TLL1: variants seen among roughly 807,000 people sequenced by gnomAD.
TLL1 encodes the protein tolloid like 1.
In TLL1, 49 loss-of-function variants were observed where a neutral mutation model predicts 128.2. That is an observed-to-expected ratio of 0.38 (90% confidence interval 0.30 to 0.48). The LOEUF is 0.48. Ranked by LOEUF, TLL1 falls within the 20% of genes least tolerant of loss-of-function variation. TLL1 has a pLI of 0.96. For synonymous variants in TLL1, 454 were observed against 418.8 expected, an observed-to-expected ratio of 1.08 and a Z score of -1.03; for missense variants, 1,123 against 1,242.0, an observed-to-expected ratio of 0.90 and a Z score of 1.44.
At chr4:166,075,329 C>G (rs1020808862) in intron 17 of TLL1, among the ~76,000 whole-genome samples, 1 of 152,150 alleles carries the variant, frequency 6.6e-6, no homozygotes, top group Non-Finnish European at 1.5e-5. Context: ...AACTTAACTT[C>G]TGCTAAATGT....
chr4:166,008,620 T>C (rs1319728588), intron 7 of TLL1, among the ~76,000 whole-genome samples: 2 of 151,658 alleles, frequency 1.3e-5, no homozygotes, highest in Admixed American at 6.6e-5. Context: ...CCTAAAATTA[T>C]GTCATTAATG....
intron 1 of TLL1, among the ~76,000 whole-genome samples, chr4:165,914,748 G>C (rs754886221): frequency 6.6e-6 from 1 of 152,160 alleles, no homozygotes; most frequent in Non-Finnish European, 1.5e-5. Flanking sequence ...TGAACTTAGG[G>C]AACTCTTTTA....
chr4:166,021,694 C>G (rs1579634993), intron 8 of TLL1, among the ~76,000 whole-genome samples: 1 of 152,076 alleles, frequency 6.6e-6, no homozygotes, highest in Non-Finnish European at 1.5e-5. Flanking sequence ...GCCTCGCAAA[C>G]TGCTGGGATT....
intron 6 of TLL1, among the ~76,000 whole-genome samples, chr4:166,007,233 A>G (rs1737481491): frequency 1.3e-5 from 2 of 151,748 alleles, no homozygotes; most frequent in Non-Finnish European, 3.0e-5. Context: ...ATACTACAAT[A>G]CAGATACAAA....
chr4:165,967,567 G>T lies in TLL1; in HGVS notation c.170-21814G>T, dbSNP rs1043546860. On this transcript the variant is annotated intron_variant, in intron 1 of 20. Coordinates refer to ENST00000061240, the MANE Select transcript of TLL1 (RefSeq NM_012464.5). ...GGGGTTCCTGACTGCCCACAACAAA[G>T]ATGGAAATATTTGTTAGCCATTTTG... Among the ~76,000 whole-genome samples, 11 of 152,192 alleles carry T rather than the reference G, an allele frequency of 7.2e-5. 1 individual carries two copies. Among genetic ancestry groups the T allele is most frequent in the Middle Eastern group, 3.2e-3 (1 of 316 alleles).
At chr4:166,052,198 AATC>A (rs1443960728) in intron 12 of TLL1, among the ~76,000 whole-genome samples, 1 of 152,168 alleles carries the variant, frequency 6.6e-6, no homozygotes, top group Non-Finnish European at 1.5e-5. Context: ...TTTTAATAAT[AATC>A]TTCTTAAAAT....
At chr4:166,063,019 A>G (rs72697388) in intron 15 of TLL1, among the ~76,000 whole-genome samples, 78,143 of 152,042 alleles carry the variant, frequency 0.51, 23,146 homozygotes, top group African/African-American at 0.84. Flanking sequence ...GATGGATTAC[A>G]TTTATTGATT....
At chr4:166,080,404 C>A (rs1191511327) in intron 18 of TLL1, among the ~76,000 whole-genome samples, 1 of 152,144 alleles carries the variant, frequency 6.6e-6, no homozygotes, top group Non-Finnish European at 1.5e-5. Context: ...CATTTATCTG[C>A]TGAAATCTCC....
chr4:165,966,466 CAATT>C (rs1735380628), intron 1 of TLL1, among the ~76,000 whole-genome samples: 1 of 152,066 alleles, frequency 6.6e-6, no homozygotes, highest in Non-Finnish European at 1.5e-5. Context: ...TGTAACTTTC[CAATT>C]AATTCTAATG....
At chr4:166,020,334 C>G (rs1177543252) in intron 8 of TLL1, among the ~76,000 whole-genome samples, 1 of 137,942 alleles carries the variant, frequency 7.2e-6, no homozygotes. Flanking sequence ...ATTCCATGTA[C>G]TGTGACAACA....
At chr4:166,004,124 T>C (rs544975197) in intron 6 of TLL1, among the ~76,000 whole-genome samples, 1 of 152,226 alleles carries the variant, frequency 6.6e-6, no homozygotes, top group African/African-American at 2.4e-5. Context: ...TTTCAGTAAT[T>C]GAAATATAAT....
At chr4:165,973,388 C>G (rs983147479) in intron 1 of TLL1, among the ~76,000 whole-genome samples, 12 of 151,934 alleles carry the variant, frequency 7.9e-5, no homozygotes, top group Non-Finnish European at 1.3e-4. Context: ...AATAAATAAA[C>G]TATCTTATAC....
chr4:166,080,286 G>A (rs748660799), intron 18 of TLL1, among the ~76,000 whole-genome samples: 1 of 152,064 alleles, frequency 6.6e-6, no homozygotes, highest in Non-Finnish European at 1.5e-5. Context: ...TAGGATTAGG[G>A]CTGCATCCCT....
At chr4:166,037,399 GA>G (rs965719738) in intron 9 of TLL1, among the ~76,000 whole-genome samples, 58 of 152,198 alleles carry the variant, frequency 3.8e-4, no homozygotes, top group African/African-American at 1.1e-3. Flanking sequence ...TGGATATTTT[GA>G]AAATTTTTGT....
chr4:166,057,890 T>C (rs1244880271), intron 14 of TLL1, among the ~76,000 whole-genome samples: 1 of 152,160 alleles, frequency 6.6e-6, no homozygotes, highest in African/African-American at 2.4e-5. Context: ...GTGGGAATTA[T>C]GGGAGCTGTC....
At chr4:166,094,612 G>A (rs987641930) in intron 19 of TLL1, among the ~76,000 whole-genome samples, 1 of 152,114 alleles carries the variant, frequency 6.6e-6, no homozygotes, top group African/African-American at 2.4e-5. Context: ...AATGGTAACT[G>A]AAATAGCACA....
At chr4:165,923,391 T>C (rs1226741032) in intron 1 of TLL1, among the ~76,000 whole-genome samples, 1 of 146,186 alleles carries the variant, frequency 6.8e-6, no homozygotes, top group African/African-American at 2.5e-5. Flanking sequence ...ATGATATAAA[T>C]AGGAAAGTGC....
intron 1 of TLL1, among the ~76,000 whole-genome samples, chr4:165,957,675 A>G (rs1316856921): frequency 3.3e-5 from 5 of 150,602 alleles, no homozygotes; most frequent in Non-Finnish European, 7.4e-5. Context: ...TCTTCCACCC[A>G]AGTACCCTAA....
At chr4:166,082,250 A>C (rs1293977478) in intron 18 of TLL1, among the ~76,000 whole-genome samples, 1 of 152,170 alleles carries the variant, frequency 6.6e-6, no homozygotes, top group Non-Finnish European at 1.5e-5. Flanking sequence ...ATTGACTCCT[A>C]CCATCCTATC....
Sources: allele counts gnomAD v4.1 joint callset (sites outside exome capture counted in the v4.1 genomes callset), GRCh38; gene constraint gnomAD v4.1.1; transcripts MANE v1.5; gene names NCBI Gene and HGNC (gene_info 2026-07-23, HGNC 2026-07-21).